ACSS3: variants seen among roughly 807,000 people sequenced by gnomAD.
ACSS3 encodes acyl-CoA synthetase short chain family member 3, also known as acyl-CoA synthetase short-chain family member 3, mitochondrial.
Under a neutral mutation model 84.2 loss-of-function variants are expected in ACSS3, and 64 were observed. The observed-to-expected ratio is 0.76, with a 90% CI of 0.62 to 0.94. ACSS3 has a LOEUF of 0.94. Among genes scored for constraint, ACSS3 ranks in the 40% least tolerant of loss-of-function variants. The pLI is 0.00. For missense variants in ACSS3, 815 were observed against 867.6 expected (o/e 0.94, Z 0.76); for synonymous variants, 317 against 310.1 (o/e 1.02, Z -0.23).
At chr12:81,090,135 C>T (rs780592690) in intron 1 of ACSS3, among the ~76,000 whole-genome samples, 1 of 149,392 alleles carries the variant, frequency 6.7e-6, no homozygotes, top group Non-Finnish European at 1.5e-5. Flanking sequence ...CCACTCTCCT[C>T]TTATCTTAGA....
In ACSS3 at chr12:81,107,536, A is replaced by T. The variant is rs1171976412; in HGVS notation, c.312-2024A>T. On this transcript the variant is annotated intron_variant, in intron 1 of 15. Transcript: ENST00000548058. Reference sequence around the variant, plus strand: ...CATATATATATATATATATATATATATATATATATATATATATATATATAA... The same window carrying T: ...CATATATATATATATATATATATATTTATATATATATATATATATATATAA... Among the ~76,000 whole-genome samples the T allele has an allele frequency of 1.6e-4, 18 of 114,334 alleles. 1 individual carries two copies. Among genetic ancestry groups the T allele is most frequent in the Non-Finnish European group, 2.0e-4 (11 of 55,888 alleles). The allele number at this position is 114,334 out of a possible 152,430, so 75.0% of individuals were successfully genotyped here. A position where few individuals can be genotyped will look rare whatever the true frequency, so the allele number is the denominator to read the frequency against.
intron 1 of ACSS3, among the ~76,000 whole-genome samples, chr12:81,083,712 A>G (rs1881138866): frequency 6.6e-6 from 1 of 151,718 alleles, no homozygotes; most frequent in Non-Finnish European, 1.5e-5. Flanking sequence ...CAGCTCACGC[A>G]TGTAATCTCA....
chr12:81,202,045 C>T (rs1191670355), intron 9 of ACSS3, among the ~76,000 whole-genome samples: 5 of 151,902 alleles, frequency 3.3e-5, no homozygotes, highest in Non-Finnish European at 5.9e-5. Flanking sequence ...TTTGGGGGGC[C>T]GAGGTGGGCG....
chr12:81,148,449 C>G (rs180894036), intron 5 of ACSS3, among the ~76,000 whole-genome samples: 1 of 152,304 alleles, frequency 6.6e-6, no homozygotes, highest in Admixed American at 6.5e-5. Context: ...TTCTGAGTAA[C>G]TAACATTCAC....
intron 9 of ACSS3, among the ~76,000 whole-genome samples, chr12:81,212,766 G>A (rs184274859): frequency 0.015 from 2,234 of 152,172 alleles, 37 homozygotes; most frequent in South Asian, 0.029. Flanking sequence ...ATTCATTTAG[G>A]TAACAGCTTA....
intron 1 of ACSS3, among the ~76,000 whole-genome samples, chr12:81,081,986 G>A (rs985827371): frequency 5.9e-5 from 9 of 152,180 alleles, no homozygotes; most frequent in Non-Finnish European, 1.0e-4. Flanking sequence ...TGCATGTACA[G>A]TACAGAGAAA....
At chr12:81,150,987 C>A (rs542167627) in intron 5 of ACSS3, among the ~76,000 whole-genome samples, 1 of 152,296 alleles carries the variant, frequency 6.6e-6, no homozygotes, top group South Asian at 2.1e-4. Context: ...TTCACCTACT[C>A]ATTCTGAGTA....
At chr12:81,241,040 G>A (rs1344248371) in intron 13 of ACSS3, among the ~76,000 whole-genome samples, 1 of 130,362 alleles carries the variant, frequency 7.7e-6, no homozygotes, top group Non-Finnish European at 1.5e-5. Flanking sequence ...CTGCATCCAT[G>A]TGTTCTCATT....
intron 9 of ACSS3, among the ~76,000 whole-genome samples, chr12:81,204,580 C>A (rs965007383): frequency 5.3e-5 from 8 of 152,084 alleles, no homozygotes; most frequent in African/African-American, 1.9e-4. Context: ...CTTGCTATCA[C>A]TCAGTTAATT....
intron 2 of ACSS3, among the ~76,000 whole-genome samples, chr12:81,113,930 G>C (rs967464303): frequency 1.3e-5 from 2 of 151,982 alleles, no homozygotes; most frequent in Non-Finnish European, 2.9e-5. Context: ...TTAAGCCTCA[G>C]TGAAATAAAA....
chr12:81,228,517 A>T (rs1049349099), intron 11 of ACSS3, among the ~76,000 whole-genome samples: 11 of 151,990 alleles, frequency 7.2e-5, no homozygotes, highest in Non-Finnish European at 1.5e-4. Flanking sequence ...TCAATTAATT[A>T]TAAGAATATA....
At chr12:81,089,531 A>G (rs747625220) in intron 1 of ACSS3, among the ~76,000 whole-genome samples, 10 of 151,982 alleles carry the variant, frequency 6.6e-5, no homozygotes, top group Non-Finnish European at 1.3e-4. Context: ...ACTTTGGAAA[A>G]CAAATGATCT....
chr12:81,078,799 A>G (rs1880787430), intron 1 of ACSS3, among the ~76,000 whole-genome samples: 1 of 152,210 alleles, frequency 6.6e-6, no homozygotes, highest in East Asian at 1.9e-4. Flanking sequence ...AAACTAGGGA[A>G]TTATAACTAA....
At chr12:81,082,372 C>A (rs1264005789) in intron 1 of ACSS3, among the ~76,000 whole-genome samples, 1 of 152,072 alleles carries the variant, frequency 6.6e-6, no homozygotes, top group Non-Finnish European at 1.5e-5. Flanking sequence ...CTAGGTAATC[C>A]AGCCTTTATT....
intron 11 of ACSS3, among the ~76,000 whole-genome samples, chr12:81,224,951 G>T (rs183716013): frequency 2.0e-4 from 30 of 151,922 alleles, no homozygotes; most frequent in African/African-American, 7.2e-4. Flanking sequence ...TAGTACTGAT[G>T]CTGGCATATT....
chr12:81,081,668 A>G (rs1419294096), intron 1 of ACSS3, among the ~76,000 whole-genome samples: 2 of 152,186 alleles, frequency 1.3e-5, no homozygotes, highest in African/African-American at 2.4e-5. Flanking sequence ...ATCTCTTTCT[A>G]TGGAAGCATT....
intron 2 of ACSS3, among the ~76,000 whole-genome samples, chr12:81,123,284 A>C (rs1277687222): frequency 6.6e-6 from 1 of 152,190 alleles, no homozygotes; most frequent in Admixed American, 6.5e-5. Context: ...AGCTGGAAAC[A>C]GATACATGAG....
intron 7 of ACSS3, among the ~76,000 whole-genome samples, chr12:81,172,625 G>C (rs1335369669): frequency 6.6e-6 from 1 of 152,094 alleles, no homozygotes; most frequent in East Asian, 1.9e-4. Flanking sequence ...AACAGAGCAA[G>C]ACACTGCCTC....
chr12:81,259,042 C>CTATT lies in ACSS3; in HGVS notation c.*4122_*4125dup, dbSNP rs1284034563. 6.1e-6 allele frequency: 1 copy of CTATT among 162,694 alleles called. No homozygotes were observed. The highest frequency in any genetic ancestry group is 1.3e-5 in the Non-Finnish European group (1 of 75,402). The allele number at this position is 162,694 out of a possible 1,614,324, so 10.1% of individuals were successfully genotyped here. ...GACATCCCTGATTGCCTTTAAAGCTCTATTTTTGGCTCCGGTTCCAGGTTA... is the reference window on the plus strand; with the variant it reads ...GACATCCCTGATTGCCTTTAAAGCTCTATTTATTTTTGGCTCCGGTTCCAGGTTA... On this transcript the variant is annotated 3_prime_UTR_variant, in exon 16 of 16. Coordinates refer to ENST00000548058, the MANE Select transcript of ACSS3 (RefSeq NM_024560.4).
Sources: gnomAD v4.1 joint callset for allele counts (sites outside exome capture counted in the v4.1 genomes callset) on GRCh38, gnomAD v4.1.1 for gene constraint, MANE v1.5 for transcripts, NCBI Gene and HGNC (gene_info 2026-07-23, HGNC 2026-07-21) for gene names.